CBLB: variants seen among roughly 807,000 people sequenced by gnomAD.
The protein encoded by CBLB is Cbl proto-oncogene B.
Under a neutral mutation model 104.9 loss-of-function variants are expected in CBLB, and 31 were observed. That is an observed-to-expected ratio of 0.30 (90% CI 0.22 to 0.40). The LOEUF (loss-of-function observed/expected upper bound fraction) is 0.40. Ranked by LOEUF, CBLB falls within the 10% of genes least tolerant of loss-of-function variation. The pLI is 1.00. For missense variants in CBLB, 1,062 were observed against 1,214.6 expected (o/e 0.87, Z 1.87); for synonymous variants, 440 against 422.6 (o/e 1.04, Z -0.51).
intron 3 of CBLB, among the ~76,000 whole-genome samples, chr3:105,845,353 G>A (rs2090099060): frequency 6.7e-6 from 1 of 149,092 alleles, no homozygotes. Context: ...GGAGTTGGGG[G>A]CTGAACAGTA....
chr3:105,834,050 C>G (rs1421125419), intron 3 of CBLB, among the ~76,000 whole-genome samples: 1 of 139,278 alleles, frequency 7.2e-6, no homozygotes, highest in East Asian at 2.3e-4. Context: ...ATTAATTCAA[C>G]AACCTTAAAA....
intron 18 of CBLB, among the ~76,000 whole-genome samples, chr3:105,665,091 T>C (rs1045838341): frequency 1.3e-5 from 2 of 152,142 alleles, no homozygotes; most frequent in African/African-American, 2.4e-5. Flanking sequence ...TTCTTTCTTC[T>C]ATAAATTGAC....
At chr3:105,747,998 T>C (rs1291412734) in intron 5 of CBLB, among the ~76,000 whole-genome samples, 3 of 152,228 alleles carry the variant, frequency 2.0e-5, no homozygotes, top group African/African-American at 7.2e-5. Flanking sequence ...TGTGTATTGT[T>C]TTCCTTGTAT....
chr3:105,775,246 A>G (rs950804708), intron 4 of CBLB, among the ~76,000 whole-genome samples: 12 of 152,174 alleles, frequency 7.9e-5, no homozygotes, highest in Non-Finnish European at 1.8e-4. Flanking sequence ...TGTGGGAAAT[A>G]GGCTTTAATA....
chr3:105,867,625 G>T, intron 1 of CBLB, 34 bp from the exon 2 acceptor site: 2 of 1,597,856 alleles, frequency 1.3e-6, no homozygotes, highest in Non-Finnish European at 1.7e-6. Flanking sequence ...AGAAAAGTTA[G>T]TTGGTTTTGA....
At chr3:105,682,991 G>C (rs2066504197) in intron 14 of CBLB, among the ~76,000 whole-genome samples, 1 of 151,280 alleles carries the variant, frequency 6.6e-6, no homozygotes, top group Admixed American at 6.6e-5. Context: ...GATTTACTCT[G>C]AATTTTTAGA....
At chr3:105,848,765 A>T (rs2090591202) in intron 3 of CBLB, among the ~76,000 whole-genome samples, 1 of 152,132 alleles carries the variant, frequency 6.6e-6, no homozygotes, top group African/African-American at 2.4e-5. Flanking sequence ...CTTCATTTTT[A>T]GCTCAATTAT....
At chr3:105,856,348 C>CAAAAAAA (rs1169479720) in intron 2 of CBLB, among the ~76,000 whole-genome samples, 3 of 31,058 alleles carry the variant, frequency 9.7e-5, no homozygotes, top group Admixed American at 3.7e-4. Context: ...GACTCCATCT[C>CAAAAAAA]AAAAAAAAAA....
Position 105,752,542 on chromosome 3 carries a change from G to A in CBLB, c.567-924C>T, listed in dbSNP as rs114811919. 5.3e-3 allele frequency among the ~76,000 whole-genome samples: 806 copies of A among 152,166 alleles called. 8 individuals carry two copies. Among genetic ancestry groups the A allele is most frequent in the African/African-American group, 0.018 (757 of 41,524 alleles). ...TTTACAACAGAATAGCATAAAAGCCGTCCCTCTTATAAGATAACATCCTCT... is the reference window on the plus strand; with the variant it reads ...TTTACAACAGAATAGCATAAAAGCCATCCCTCTTATAAGATAACATCCTCT... On this transcript the variant is annotated intron_variant, in intron 4 of 18. Coordinates refer to ENST00000394030, the MANE Select transcript of CBLB (RefSeq NM_170662.5).
At chr3:105,664,922 T>G (rs2064206325) in intron 18 of CBLB, among the ~76,000 whole-genome samples, 1 of 152,164 alleles carries the variant, frequency 6.6e-6, no homozygotes, top group Non-Finnish European at 1.5e-5. Context: ...AGACGTGAGA[T>G]GCATGTGTAC....
chr3:105,864,439 A>G (rs2092306501), intron 2 of CBLB, among the ~76,000 whole-genome samples: 1 of 152,186 alleles, frequency 6.6e-6, no homozygotes, highest in Admixed American at 6.5e-5. Context: ...GAACCTAGAT[A>G]TGTATTCATG....
chr3:105,659,268 G>A, intron 18 of CBLB, 39 bp from the exon 19 acceptor site: 1 of 1,588,562 alleles, frequency 6.3e-7, no homozygotes, highest in Non-Finnish European at 8.6e-7. Flanking sequence ...TTTAAACAGT[G>A]AAATAAAAAT....
intron 16 of CBLB, among the ~76,000 whole-genome samples, chr3:105,679,074 A>G (rs1379807419): frequency 6.6e-6 from 1 of 152,156 alleles, no homozygotes; most frequent in Non-Finnish European, 1.5e-5. Context: ...AATTTATTTA[A>G]CCTAATGTTT....
intron 3 of CBLB, among the ~76,000 whole-genome samples, chr3:105,828,610 T>G (rs2086956181): frequency 6.6e-6 from 1 of 152,132 alleles, no homozygotes; most frequent in South Asian, 2.1e-4. Context: ...TTCCACACAT[T>G]TTTTTAGCAT....
At chr3:105,780,602 T>C (rs1420059750) in intron 3 of CBLB, among the ~76,000 whole-genome samples, 2 of 152,170 alleles carry the variant, frequency 1.3e-5, no homozygotes, top group African/African-American at 4.8e-5. Context: ...TTTATTCATT[T>C]TCTTTGCATG....
chr3:105,744,999 TA>T lies in CBLB; in HGVS notation c.845+917del, dbSNP rs142823898. ...AACATTATATACACCATAAACCAAATAAAAATGATACTAGAAAAAAAAGGCA... is the reference window on the plus strand; with the variant it reads ...AACATTATATACACCATAAACCAAATAAAATGATACTAGAAAAAAAAGGCA... On this transcript the variant is annotated intron_variant, in intron 6 of 18. Transcript: ENST00000394030. 2.4e-3 allele frequency among the ~76,000 whole-genome samples: 360 copies of T among 151,562 alleles called. 6 individuals are homozygous for T. The East Asian group carries it at 0.044, about 19-fold the overall frequency.
At position 105,868,832 on chromosome 3, in the gene CBLB, G is replaced by A; in HGVS notation, c.-111C>T. 2 of 997,664 alleles carry A rather than the reference G, an allele frequency of 2.0e-6. No individual in the cohort carries two copies. Among genetic ancestry groups the A allele is most frequent in the Non-Finnish European group, 2.4e-6 (2 of 838,334 alleles). 61.8% of individuals were successfully genotyped at this position (997,664 alleles called of 1,614,324 possible). A position where few individuals can be genotyped will look rare whatever the true frequency, so the allele number is the denominator to read the frequency against. On this transcript the variant is annotated 5_prime_UTR_variant, in exon 1 of 19. Transcript: ENST00000394030. ...GTGTGGGGAGCCCCGGCTGGGAGTG[G>A]GATCGCTGAGAACAGCTCGCTCCCG... is the stretch of plus-strand genomic sequence containing the variant.
At chr3:105,768,959 T>C (rs960433639) in intron 4 of CBLB, among the ~76,000 whole-genome samples, 3 of 152,170 alleles carry the variant, frequency 2.0e-5, no homozygotes, top group Admixed American at 6.5e-5. Context: ...AATGAAGTCA[T>C]TGGAAATTGA....
At chr3:105,767,237 C>T (rs1277243211) in intron 4 of CBLB, among the ~76,000 whole-genome samples, 1 of 152,068 alleles carries the variant, frequency 6.6e-6, no homozygotes, top group East Asian at 1.9e-4. Context: ...CTGTGTACCA[C>T]TTCTTTTAAT....
Sources: gnomAD v4.1 joint callset for allele counts (sites outside exome capture counted in the v4.1 genomes callset) on GRCh38, gnomAD v4.1.1 for gene constraint, MANE v1.5 for transcripts, NCBI Gene and HGNC (gene_info 2026-07-23, HGNC 2026-07-21) for gene names.